Variants in PCDH7 observed in about 807,000 individuals in gnomAD.
PCDH7 encodes protocadherin 7, also known as protocadherin-7.
A neutral mutation model predicts 58.9 loss-of-function variants in PCDH7; 17 were observed. The ratio of observed to expected loss-of-function variants is 0.29; its 90% CI spans 0.20 to 0.43. The LOEUF is 0.43. Among genes scored for constraint, PCDH7 ranks in the 20% least tolerant of loss-of-function variants. The pLI is 1.00. For missense variants in PCDH7, 1,274 were observed against 1,441.0 expected, an observed-to-expected ratio of 0.88 and a Z score of 1.88; for synonymous variants, 664 against 616.4, an observed-to-expected ratio of 1.08 and a Z score of -1.14.
At chr4:30,724,194 A>T in exon 1 of PCDH7, 3 of 1,614,040 alleles carry the variant, frequency 1.9e-6, no homozygotes, top group Non-Finnish European at 2.5e-6. Context: ...ACTTTTTTAC[A>T]CCCCAACAGC....
chr4:31,137,965 C>G (rs180830176), intron 3 of PCDH7, among the ~76,000 whole-genome samples: 302 of 152,242 alleles, frequency 2.0e-3, no homozygotes, highest in Non-Finnish European at 3.5e-3. Flanking sequence ...GGGATTCTGA[C>G]AGGATGCAAA....
chr4:31,111,780 A>C (rs1716349346), intron 3 of PCDH7, among the ~76,000 whole-genome samples: 1 of 152,208 alleles, frequency 6.6e-6, no homozygotes, highest in African/African-American at 2.4e-5. Flanking sequence ...GTGCCAAATC[A>C]TTCCTGCAAA....
intron 1 of PCDH7, among the ~76,000 whole-genome samples, chr4:30,741,918 G>A (rs898676103): frequency 2.2e-4 from 33 of 152,356 alleles, no homozygotes; most frequent in African/African-American, 7.7e-4. Flanking sequence ...GATTGAGGAT[G>A]CAGCGTGTTT....
At chr4:31,051,337 G>A (rs1258634129) in intron 3 of PCDH7, among the ~76,000 whole-genome samples, 1 of 152,104 alleles carries the variant, frequency 6.6e-6, no homozygotes, top group Non-Finnish European at 1.5e-5. Flanking sequence ...AGAGCTCCAG[G>A]AGTGTGGCAC....
rs976898199 is a variant in PCDH7, at chr4:30,720,634, G to C, written c.-789G>C. The C allele has an allele frequency of 6.5e-6, 1 of 152,922 alleles. No individual in the cohort carries two copies. The highest frequency in any genetic ancestry group is 2.4e-5 in the African/African-American group (1 of 41,472). 9.5% of individuals were successfully genotyped at this position (152,922 alleles called of 1,614,324 possible). A position where few individuals can be genotyped will look rare whatever the true frequency, so the allele number is the denominator to read the frequency against. ...CTGACTCTGGGCGTCTCTGAAGATG[G>C]CTCGGGCTTCTCTTTGGCGCGCCGG... On this transcript the variant is annotated 5_prime_UTR_variant, in exon 1 of 2. Transcript: ENST00000361762. This position sits in a 1 kb window ranked among gnomAD's most constrained non-coding sequence, Gnocchi z 4.7.
intron 3 of PCDH7, among the ~76,000 whole-genome samples, chr4:31,114,632 A>AACACACACACACACACACAC (rs34203962): frequency 4.2e-5 from 6 of 143,580 alleles, no homozygotes; most frequent in African/African-American, 1.3e-4. Context: ...CACACATACA[A>AACACACACACACACACACAC]ACACACACAC....
intron 3 of PCDH7, among the ~76,000 whole-genome samples, chr4:30,972,988 A>G (rs1489315713): frequency 6.6e-6 from 1 of 152,360 alleles, no homozygotes; most frequent in African/African-American, 2.4e-5. Flanking sequence ...ATTCGATGTT[A>G]CTAAGAGACG....
intron 3 of PCDH7, among the ~76,000 whole-genome samples, chr4:31,009,308 G>A (rs1014990954): frequency 5.9e-5 from 9 of 151,938 alleles, no homozygotes; most frequent in African/African-American, 9.7e-5. Flanking sequence ...AATCTCACTC[G>A]TATTAGTGGA....
At chr4:31,044,425 G>T (rs1000945799) in intron 3 of PCDH7, among the ~76,000 whole-genome samples, 2 of 151,796 alleles carry the variant, frequency 1.3e-5, no homozygotes. Flanking sequence ...AGGTATTATG[G>T]CTTTCTCCCT....
intron 1 of PCDH7, among the ~76,000 whole-genome samples, chr4:30,867,685 C>A (rs1466960954): frequency 6.6e-6 from 1 of 152,030 alleles, no homozygotes; most frequent in Non-Finnish European, 1.5e-5. Context: ...GCCGCCACTT[C>A]CTTGCGAGAA....
chr4:30,864,532 G>T lies in PCDH7; in HGVS notation c.71-55621G>T, dbSNP rs544994549. Among the ~76,000 whole-genome samples, 681 of 150,996 alleles carry T rather than the reference G, an allele frequency of 4.5e-3. 5 individuals are homozygous for T. Among genetic ancestry groups the T allele is most frequent in the South Asian group, 8.0e-3 (38 of 4,764 alleles). ...GAAAATAGTGAAGTTTAATTTTTTTGTTGTTCCTAAAATGGTAGGATATAG... is the reference window on the plus strand; with the variant it reads ...GAAAATAGTGAAGTTTAATTTTTTTTTTGTTCCTAAAATGGTAGGATATAG... On this transcript the variant is annotated intron_variant, in intron 1 of 3. Transcript: ENST00000509759.
intron 1 of PCDH7, chr4:30,794,102 G>A (rs978046416): frequency 6.6e-6 from 1 of 152,160 alleles, no homozygotes; most frequent in African/African-American, 2.4e-5. Context: ...TCTTTATCAT[G>A]TGAGATAGAA....
chr4:31,128,148 C>G (rs939850866), intron 3 of PCDH7, among the ~76,000 whole-genome samples: 1 of 148,338 alleles, frequency 6.7e-6, no homozygotes. Flanking sequence ...TACATATATA[C>G]ACACACACAC....
At chr4:30,982,663 A>T (rs891991930) in intron 3 of PCDH7, among the ~76,000 whole-genome samples, 1 of 152,166 alleles carries the variant, frequency 6.6e-6, no homozygotes, top group African/African-American at 2.4e-5. Flanking sequence ...CTGGTGCATT[A>T]TATATAAAAT....
At chr4:30,935,097 C>T (rs963899941) in intron 2 of PCDH7, among the ~76,000 whole-genome samples, 3 of 151,906 alleles carry the variant, frequency 2.0e-5, no homozygotes, top group Non-Finnish European at 2.9e-5. Flanking sequence ...TGAAGTATTG[C>T]TGAAGTATTA....
At chr4:31,111,457 C>T (rs1400726161) in intron 3 of PCDH7, among the ~76,000 whole-genome samples, 2 of 151,892 alleles carry the variant, frequency 1.3e-5, no homozygotes, top group Admixed American at 6.6e-5. Flanking sequence ...TACAAGCGCC[C>T]GCAACCACAC....
At chr4:30,738,585 T>C (rs946954325) in intron 1 of PCDH7, among the ~76,000 whole-genome samples, 1 of 152,160 alleles carries the variant, frequency 6.6e-6, no homozygotes, top group Non-Finnish European at 1.5e-5. Flanking sequence ...ACATCTTAGT[T>C]TTTTCTTAAT....
chr4:30,986,506 G>A (rs71598135), intron 3 of PCDH7, among the ~76,000 whole-genome samples: 26,064 of 151,606 alleles, frequency 0.17, 2,806 homozygotes, highest in South Asian at 0.27. Flanking sequence ...AATCTGAAAA[G>A]CCAAACCAGT....
At chr4:30,874,862 C>A (rs1736097666) in intron 1 of PCDH7, among the ~76,000 whole-genome samples, 2 of 152,078 alleles carry the variant, frequency 1.3e-5, no homozygotes, top group African/African-American at 4.8e-5. Flanking sequence ...TACTCTTCAG[C>A]AAGACTGTTG....
Sources: allele counts gnomAD v4.1 joint callset (sites outside exome capture counted in the v4.1 genomes callset), GRCh38; gene constraint gnomAD v4.1.1; non-coding constraint Gnocchi (gnomAD v3.1); transcripts MANE v1.5; gene names NCBI Gene and HGNC (gene_info 2026-07-23, HGNC 2026-07-21).